The following TRIM9 variants were observed in gnomAD, a reference collection of about 807,000 sequenced individuals.
The protein encoded by TRIM9 is E3 ubiquitin-protein ligase TRIM9.
Under a neutral mutation model 78.3 loss-of-function variants are expected in TRIM9, and 26 were observed. The ratio of observed to expected loss-of-function variants is 0.33; its 90% CI spans 0.24 to 0.46. The LOEUF (loss-of-function observed/expected upper bound fraction) is 0.46, where lower values mean the gene tolerates loss of function less well. Among genes scored for constraint, TRIM9 ranks in the 20% least tolerant of loss-of-function variants. TRIM9 has a pLI of 1.00. For synonymous variants in TRIM9, 398 were observed against 416.5 expected, an observed-to-expected ratio of 0.96 and a Z score of 0.54; for missense variants, 787 against 1,036.4, an observed-to-expected ratio of 0.76 and a Z score of 3.30.
In TRIM9 at chr14:51,022,324, C is replaced by T. The variant is rs774384374; in HGVS notation, c.1041+511G>A. On this transcript the variant is annotated intron_variant, in intron 3 of 12. Coordinates refer to ENST00000684578, the MANE Select transcript of TRIM9 (RefSeq NM_001387360.1). Reference sequence around the variant, plus strand: ...TAAAAGGTTGAAGTTTGGCTCTTATCCTCTCATTTCCCATGCTCGCCTGTC... The same window carrying T: ...TAAAAGGTTGAAGTTTGGCTCTTATTCTCTCATTTCCCATGCTCGCCTGTC... 7.9e-5 allele frequency among the ~76,000 whole-genome samples: 12 copies of T among 152,284 alleles called. 1 individual carries two copies. The highest frequency in any genetic ancestry group is 1.6e-4 in the Non-Finnish European group (11 of 68,028).
At chr14:51,052,106 C>T (rs1170310912) in intron 1 of TRIM9, among the ~76,000 whole-genome samples, 1 of 151,870 alleles carries the variant, frequency 6.6e-6, no homozygotes, top group Non-Finnish European at 1.5e-5. Context: ...ATAGTCGAAC[C>T]ATCCAGACTT....
At position 51,060,623 on chromosome 14, in the gene TRIM9, C is replaced by T. The variant is rs191724926; in HGVS notation, c.822+33495G>A. 4.6e-5 allele frequency among the ~76,000 whole-genome samples: 7 copies of T among 152,278 alleles called. No individual in the cohort carries two copies. In the East Asian group the frequency reaches 7.7e-4, roughly 17 times the overall value. On this transcript the variant is annotated intron_variant, in intron 1 of 12. Coordinates refer to ENST00000684578, the MANE Select transcript of TRIM9 (RefSeq NM_001387360.1). ...CTGGAACTACAGGCGCCTGCCACCA[C>T]GCCCGGCTAATTTTTTTGTATTTTT... is the stretch of plus-strand genomic sequence containing the variant.
chr14:51,004,076 A>G (rs1596147625), intron 5 of TRIM9, among the ~76,000 whole-genome samples: 1 of 152,250 alleles, frequency 6.6e-6, no homozygotes, highest in East Asian at 1.9e-4. Context: ...AATCTAAGGA[A>G]GAGCATTGTG....
At chr14:51,052,331 T>G (rs1450967748) in intron 1 of TRIM9, among the ~76,000 whole-genome samples, 1 of 152,190 alleles carries the variant, frequency 6.6e-6, no homozygotes, top group Non-Finnish European at 1.5e-5. Flanking sequence ...GGTCGGCGAA[T>G]ATAATAAGAA....
rs557475738 is a variant in TRIM9 at position 51,015,608 on chromosome 14, G to T, written c.1042-5114C>A. 4.9e-5 allele frequency among the ~76,000 whole-genome samples: 7 copies of T among 143,074 alleles called. 1 individual carries two copies. The highest frequency in any genetic ancestry group is 1.8e-4 in the African/African-American group (7 of 38,182). 93.9% of individuals were successfully genotyped at this position (143,074 alleles called of 152,430 possible). ...AGTTTACCACAGCCTCAACCTCCTG[G>T]GCTCAAGTGATCTTCCCATCTCAGC... is the stretch of plus-strand genomic sequence containing the variant. On this transcript the variant is annotated intron_variant, in intron 3 of 12. Transcript: ENST00000684578.
intron 1 of TRIM9, among the ~76,000 whole-genome samples, chr14:51,062,285 G>A (rs1009343346): frequency 6.6e-6 from 1 of 152,056 alleles, no homozygotes; most frequent in East Asian, 1.9e-4. Flanking sequence ...CCAACATCTG[G>A]GCCATCTTTG....
intron 12 of TRIM9, 85 bp from the exon 13 acceptor site, chr14:50,977,438 C>T: frequency 2.8e-6 from 3 of 1,072,720 alleles, no homozygotes; most frequent in African/African-American, 1.6e-5. Flanking sequence ...GTCCCTAACT[C>T]AAAAAGTGTT....
At chr14:51,015,685 T>C (rs1478946580) in intron 3 of TRIM9, among the ~76,000 whole-genome samples, 1 of 151,662 alleles carries the variant, frequency 6.6e-6, no homozygotes, top group African/African-American at 2.4e-5. Flanking sequence ...GGCTAATGTG[T>C]ATATTTTTGG....
chr14:51,092,147 A>AT (rs2064406160), intron 1 of TRIM9, among the ~76,000 whole-genome samples: 1 of 152,230 alleles, frequency 6.6e-6, no homozygotes, highest in Non-Finnish European at 1.5e-5. Flanking sequence ...CAAAATATGA[A>AT]TAAAAAACTA....
chr14:51,087,845 T>C (rs962048241), intron 1 of TRIM9, among the ~76,000 whole-genome samples: 1 of 152,224 alleles, frequency 6.6e-6, no homozygotes, highest in Non-Finnish European at 1.5e-5. Flanking sequence ...CACAGATTAA[T>C]GAAAAACTCA....
intron 5 of TRIM9, among the ~76,000 whole-genome samples, chr14:51,007,800 C>CAAAAAAAAAAAAAAAAAAA (rs3029461): frequency 7.5e-6 from 1 of 132,834 alleles, no homozygotes. Flanking sequence ...CATATTAAAC[C>CAAAAAAAAAAAAAAAAAAA]AAAAAAAAAA....
rs138465909 is a variant in TRIM9, at chr14:50,981,868, G to T, written c.2094C>A (p.Asp698Glu). 3.5e-5 allele frequency: 56 copies of T among 1,614,204 alleles called. No homozygotes were observed. In the African/African-American group the frequency reaches 6.9e-4, roughly 20 times the overall value. The change falls in exon 11 of 13, where the codon GAC (aspartate) becomes GAA (glutamate). Residue 698 changes from aspartate (D) to glutamate (E), a missense_variant. Asp to Glu is a conservative substitution (Grantham distance 45). Around this residue, in one of 3 missense-constraint regions of TRIM9, gnomAD observed 421 missense variants for 514.3 expected, o/e 0.82. Transcript: ENST00000684578. ...VMKDVMLGKD[D>E]KAWAMYVDNN... is the part of the protein sequence containing the mutation. ...TGTCCACATACATTGCCCAAGCTTT[G>T]TCGTCTTTTCCTAACATCACATCCT...
chr14:51,039,645 T>C (rs1596243472), intron 1 of TRIM9, among the ~76,000 whole-genome samples: 2 of 152,346 alleles, frequency 1.3e-5, no homozygotes, highest in East Asian at 1.9e-4. Context: ...AGGTATGGAA[T>C]GGCCTGTCTC....
chr14:51,052,137 C>T (rs2060484943), intron 1 of TRIM9, among the ~76,000 whole-genome samples: 1 of 151,996 alleles, frequency 6.6e-6, no homozygotes, highest in Non-Finnish European at 1.5e-5. Flanking sequence ...ATATGACAGG[C>T]ACAATGATCC....
chr14:51,045,722 A>G (rs1337642974), intron 1 of TRIM9, among the ~76,000 whole-genome samples: 2 of 152,180 alleles, frequency 1.3e-5, no homozygotes, highest in African/African-American at 4.8e-5. Context: ...AGGAAATTCA[A>G]TGGCCCCAAT....
intron 1 of TRIM9, among the ~76,000 whole-genome samples, chr14:51,027,269 G>A (rs188545338): frequency 8.1e-5 from 12 of 148,834 alleles, no homozygotes; most frequent in African/African-American, 2.5e-4. Context: ...TCAGCCTCCC[G>A]AATAGCTGGG....
intron 7 of TRIM9, among the ~76,000 whole-genome samples, chr14:50,994,919 C>T (rs545566934): frequency 9.5e-4 from 145 of 152,248 alleles, no homozygotes; most frequent in African/African-American, 3.2e-3. Flanking sequence ...GTGCAACTGG[C>T]GTTTTTTCCA....
In TRIM9 at chr14:51,094,630, G is replaced by C. The variant is rs1227483706; in HGVS notation, c.310C>G (p.Pro104Ala). The C allele has an allele frequency of 1.2e-6, 2 of 1,607,498 alleles. No individual in the cohort carries two copies. The highest frequency in any genetic ancestry group is 2.7e-5 in the African/African-American group (2 of 74,954). The change falls in exon 1 of 13, where the codon CCG (proline) becomes GCG (alanine). Residue 104 changes from proline to alanine, a missense_variant. By Grantham distance (27) the Pro-to-Ala change is conservative. Around this residue, in one of 3 missense-constraint regions of TRIM9, gnomAD observed 352 missense variants for 472.3 expected, o/e 0.75. Coordinates refer to ENST00000684578, the MANE Select transcript of TRIM9 (RefSeq NM_001387360.1). ...TGGGTGGCCGGTGGCGGCATAGCCG[G>C]GGGAAACACGCGGACGCCGTTGGGG... The part of the protein sequence containing the change: ...KSPNGVRVFP[P>A]AMPPPATHLS...
chr14:51,000,785 G>A lies in TRIM9; in HGVS notation c.1362C>T (p.His454=), dbSNP rs2054881238. The A allele has an allele frequency of 6.2e-7, 1 of 1,614,134 alleles. No individual in the cohort carries two copies. The highest frequency in any genetic ancestry group is 1.7e-5 in the Admixed American group (1 of 60,008). ...TCCAGGACAACGTAGCGCTGTTGTT[G>A]TGGGTACAACATTCCTCCAGCTGTA... ...PILQLEECCT[H]NNSATLSWKQ... The change falls in exon 6 of 13, where the codon CAC becomes CAT. Residue 454 remains histidine, a synonymous_variant. Coordinates refer to ENST00000684578, the MANE Select transcript of TRIM9 (RefSeq NM_001387360.1).
Sources: allele counts gnomAD v4.1 joint callset (sites outside exome capture counted in the v4.1 genomes callset), GRCh38; gene constraint gnomAD v4.1.1; regional missense constraint gnomAD v4.1.1; transcripts MANE v1.5; gene names NCBI Gene and HGNC (gene_info 2026-07-23, HGNC 2026-07-21).